The following ENOX1 variants were observed in gnomAD, a reference collection of about 807,000 sequenced individuals.
ENOX1 encodes the protein candidate growth-related and time keeping constitutive hydroquinone (NADH) oxidase.
Under a neutral mutation model 82.5 loss-of-function variants are expected in ENOX1, and 42 were observed. The observed-to-expected ratio is 0.51, with a 90% CI of 0.40 to 0.66. ENOX1 has a LOEUF of 0.66. Among genes scored for constraint, ENOX1 ranks in the 30% least tolerant of loss-of-function variants. The pLI, the probability that ENOX1 is intolerant of heterozygous loss-of-function variation, is 0.00. For missense variants in ENOX1, 608 were observed against 811.6 expected (o/e 0.75, Z 3.05); for synonymous variants, 271 against 282.2 (o/e 0.96, Z 0.40).
intron 2 of ENOX1, among the ~76,000 whole-genome samples, chr13:43,602,962 C>T (rs1316347856): frequency 6.6e-6 from 1 of 151,982 alleles, no homozygotes; most frequent in East Asian, 1.9e-4. Flanking sequence ...GCCAACACAT[C>T]GAGTGCTGAA....
chr13:43,477,830 CA>C (rs2058349004), intron 3 of ENOX1, among the ~76,000 whole-genome samples: 1 of 152,132 alleles, frequency 6.6e-6, no homozygotes, highest in Non-Finnish European at 1.5e-5. Flanking sequence ...TGCACACTTA[CA>C]AGTGTTGATT....
intron 2 of ENOX1, among the ~76,000 whole-genome samples, chr13:43,539,417 C>G (rs2078613812): frequency 6.6e-6 from 1 of 152,098 alleles, no homozygotes; most frequent in Non-Finnish European, 1.5e-5. Context: ...ACTGTGATTT[C>G]TCCTTTAACC....
chr13:43,223,030 A>AGGTT (rs1213004161), intron 16 of ENOX1, among the ~76,000 whole-genome samples: 12 of 152,202 alleles, frequency 7.9e-5, no homozygotes, highest in Non-Finnish European at 1.6e-4. Context: ...TCCATTTAAG[A>AGGTT]GGTTAAACAG....
At chr13:43,351,384 A>C (rs9594927) in intron 8 of ENOX1, among the ~76,000 whole-genome samples, 1 of 150,384 alleles carries the variant, frequency 6.6e-6, no homozygotes, top group Non-Finnish European at 1.5e-5. Flanking sequence ...GGGTCGAGCA[A>C]AATATTTCTT....
chr13:43,420,955 G>A (rs2054937639), intron 3 of ENOX1, among the ~76,000 whole-genome samples: 1 of 152,154 alleles, frequency 6.6e-6, no homozygotes. Context: ...TGATTAATGG[G>A]AAATAATAGG....
intron 1 of ENOX1, among the ~76,000 whole-genome samples, chr13:43,739,564 A>G (rs1315488272): frequency 1.6e-5 from 2 of 128,140 alleles, no homozygotes; most frequent in African/African-American, 6.9e-5. Context: ...AATAATAATT[A>G]TTATTATTAT....
At chr13:43,294,929 T>A (rs879403572) in intron 12 of ENOX1, among the ~76,000 whole-genome samples, 2 of 152,112 alleles carry the variant, frequency 1.3e-5, no homozygotes, top group Non-Finnish European at 2.9e-5. Context: ...ATAAAAGCTA[T>A]AAGGGTAGAA....
chr13:43,647,350 C>G (rs955558177), intron 2 of ENOX1, among the ~76,000 whole-genome samples: 2 of 152,110 alleles, frequency 1.3e-5, no homozygotes, highest in Admixed American at 6.6e-5. Flanking sequence ...CCATTGCTAC[C>G]ACTACAACTG....
intron 8 of ENOX1, among the ~76,000 whole-genome samples, chr13:43,350,690 C>T (rs2049719851): frequency 1.3e-5 from 2 of 152,186 alleles, no homozygotes; most frequent in South Asian, 4.2e-4. Context: ...GGTGATCCAC[C>T]CATCTCGGCC....
intron 2 of ENOX1, among the ~76,000 whole-genome samples, chr13:43,663,932 C>G (rs1287379174): frequency 6.6e-6 from 1 of 152,124 alleles, no homozygotes; most frequent in Non-Finnish European, 1.5e-5. Flanking sequence ...AAGCACTTAA[C>G]ATAAACTCAT....
intron 3 of ENOX1, among the ~76,000 whole-genome samples, chr13:43,451,737 G>A (rs983001426): frequency 7.2e-5 from 11 of 152,172 alleles, no homozygotes; most frequent in African/African-American, 2.4e-4. Flanking sequence ...TGTGAAGTTT[G>A]TATAGCCTTG....
chr13:43,450,901 A>G (rs771523261), intron 3 of ENOX1, among the ~76,000 whole-genome samples: 6 of 152,188 alleles, frequency 3.9e-5, no homozygotes, highest in Non-Finnish European at 7.3e-5. Context: ...TTTAAAAACA[A>G]CAACATAATT....
At chr13:43,362,401 C>T (rs1271564353) in intron 5 of ENOX1, among the ~76,000 whole-genome samples, 7 of 152,046 alleles carry the variant, frequency 4.6e-5, no homozygotes, top group African/African-American at 1.4e-4. Flanking sequence ...TCATGGGTGG[C>T]GTGAAAATGT....
At chr13:43,768,249 T>C (rs1309330897) in intron 1 of ENOX1, among the ~76,000 whole-genome samples, 3 of 152,186 alleles carry the variant, frequency 2.0e-5, no homozygotes, top group African/African-American at 7.2e-5. Flanking sequence ...GCAGACAAGT[T>C]CAGACATCTC....
chr13:43,426,209 G>A (rs1185051993), intron 3 of ENOX1, among the ~76,000 whole-genome samples: 10 of 152,122 alleles, frequency 6.6e-5, no homozygotes, highest in South Asian at 6.2e-4. Context: ...AAATAATTGT[G>A]GAAAAGAAGA....
At chr13:43,503,244 A>G (rs1377218130) in intron 2 of ENOX1, among the ~76,000 whole-genome samples, 1 of 151,782 alleles carries the variant, frequency 6.6e-6, no homozygotes, top group Non-Finnish European at 1.5e-5. Context: ...TCCCATGTTC[A>G]TGGAAAGACT....
chr13:43,776,975 C>T (rs1383058204), intron 1 of ENOX1, among the ~76,000 whole-genome samples: 1 of 152,168 alleles, frequency 6.6e-6, no homozygotes, highest in Non-Finnish European at 1.5e-5. Context: ...GAAGGAAGAG[C>T]AAGGAATGCT....
intron 1 of ENOX1, among the ~76,000 whole-genome samples, chr13:43,775,867 G>C (rs192719535): frequency 1.3e-5 from 2 of 152,280 alleles, no homozygotes; most frequent in African/African-American, 4.8e-5. Context: ...CTTCCTTAAG[G>C]CAGTGTGTGT....
At chr13:43,493,895 C>G (rs1228590538) in intron 2 of ENOX1, among the ~76,000 whole-genome samples, 1 of 152,200 alleles carries the variant, frequency 6.6e-6, no homozygotes, top group Non-Finnish European at 1.5e-5. Context: ...AACTGACTCA[C>G]AGTTCTGCAT....
Sources: gnomAD v4.1 joint callset for allele counts (sites outside exome capture counted in the v4.1 genomes callset) on GRCh38, gnomAD v4.1.1 for gene constraint, MANE v1.5 for transcripts, NCBI Gene and HGNC (gene_info 2026-07-23, HGNC 2026-07-21) for gene names.